Variants in CELF2 observed in about 807,000 individuals in gnomAD.
CELF2 encodes CUG triplet repeat RNA-binding protein 2.
In CELF2, 8 loss-of-function variants were observed where a neutral mutation model predicts 62.6. The ratio of observed to expected loss-of-function variants is 0.13; its 90% CI spans 0.07 to 0.23. The LOEUF (loss-of-function observed/expected upper bound fraction) is 0.23. CELF2 is among the 10% of genes least tolerant of loss of function. CELF2 has a pLI of 1.00. For missense variants in CELF2, 333 were observed against 671.0 expected (o/e 0.50, Z 5.56); for synonymous variants, 258 against 250.0 (o/e 1.03, Z -0.30).
chr10:10,999,919 C>T (rs918029456), intron 2 of CELF2, among the ~76,000 whole-genome samples: 1 of 152,206 alleles, frequency 6.6e-6, no homozygotes, highest in Non-Finnish European at 1.5e-5. Flanking sequence ...GCACTTTGAG[C>T]AGGAAGAAAG....
chr10:10,876,573 G>A (rs1268232066), intron 1 of CELF2, among the ~76,000 whole-genome samples: 4 of 152,146 alleles, frequency 2.6e-5, no homozygotes, highest in African/African-American at 7.2e-5. Flanking sequence ...TTAGGAGGCC[G>A]ATTACTCTGA....
chr10:10,507,144 G>A, the CELF2 span, among the ~76,000 whole-genome samples: 98 of 152,240 alleles, frequency 6.4e-4, no homozygotes, highest in African/African-American at 2.1e-3. Flanking sequence ...TCAATGTAAC[G>A]TTGACATGAG....
rs2094566449 is a variant in CELF2, at chr10:11,311,634, C to T, written c.977-2505C>T. Among the ~76,000 whole-genome samples the T allele has an allele frequency of 2.0e-5, 3 of 151,950 alleles. No individual in the cohort carries two copies. In the South Asian group the frequency reaches 6.3e-4, roughly 32 times the overall value. On this transcript the variant is annotated intron_variant, in intron 9 of 12. Coordinates refer to ENST00000633077, the MANE Select transcript of CELF2 (RefSeq NM_001326342.2). The surrounding 1 kb of genome is among the most constrained non-coding windows in gnomAD (Gnocchi z 4.7). Reference sequence around the variant, plus strand: ...AAAAGCCACTGATTATGAAAAATGACCAATCATGTTGATAACATTCTAGAA... The same window carrying T: ...AAAAGCCACTGATTATGAAAAATGATCAATCATGTTGATAACATTCTAGAA...
At chr10:11,193,035 T>C (rs2076610064) in intron 2 of CELF2, among the ~76,000 whole-genome samples, 1 of 152,256 alleles carries the variant, frequency 6.6e-6, no homozygotes. Flanking sequence ...TCATGACTTT[T>C]TTTCTTAACA....
chr10:10,986,701 G>C (rs2052795248), intron 2 of CELF2, among the ~76,000 whole-genome samples: 1 of 152,224 alleles, frequency 6.6e-6, no homozygotes, highest in East Asian at 1.9e-4. Context: ...CACACTTAAA[G>C]TGATGATGGC....
chr10:11,225,524 C>A (rs553018147), intron 3 of CELF2, among the ~76,000 whole-genome samples: 1 of 152,326 alleles, frequency 6.6e-6, no homozygotes, highest in African/African-American at 2.4e-5. Context: ...TAGAGTACTT[C>A]ACGTAGACAA....
At chr10:10,756,203 T>C in the CELF2 span, among the ~76,000 whole-genome samples, 8 of 152,352 alleles carry the variant, frequency 5.3e-5, no homozygotes, top group African/African-American at 1.7e-4. Flanking sequence ...TTTCTATATA[T>C]TTTCCTTTGG....
Position 11,165,221 on chromosome 10 carries a change from TG to T in CELF2, c.75-262del. 1 of 1,313,208 alleles carries T rather than the reference TG, an allele frequency of 7.6e-7. No homozygotes were observed. The highest frequency in any genetic ancestry group is 9.7e-7 in the Non-Finnish European group (1 of 1,027,558). The allele number at this position is 1,313,208 out of a possible 1,614,324, so 81.3% of individuals were successfully genotyped here. On this transcript the variant is annotated intron_variant, in intron 1 of 12. Coordinates refer to ENST00000633077, the MANE Select transcript of CELF2 (RefSeq NM_001326342.2). This position sits in a 1 kb window ranked among gnomAD's most constrained non-coding sequence, Gnocchi z 7.4. ...CCGAGCCTCCAAGATGTCCACGCCC[TG>T]GGTGACAGGCGGCAGGGCGCTGCCC... is the stretch of plus-strand genomic sequence containing the variant.
At chr10:10,648,208 A>T in the CELF2 span, among the ~76,000 whole-genome samples, 1 of 152,146 alleles carries the variant, frequency 6.6e-6, no homozygotes, top group African/African-American at 2.4e-5. Flanking sequence ...GAAGCCCAGG[A>T]CTCAGCTCTT....
the CELF2 span, among the ~76,000 whole-genome samples, chr10:10,734,453 C>T: frequency 6.6e-6 from 1 of 152,338 alleles, no homozygotes; most frequent in East Asian, 1.9e-4. Context: ...TGTGTGTCCT[C>T]ATTTGACTCC....
chr10:10,876,487 A>T (rs2061100807), intron 1 of CELF2, among the ~76,000 whole-genome samples: 1 of 152,166 alleles, frequency 6.6e-6, no homozygotes, highest in Non-Finnish European at 1.5e-5. Context: ...TTGCCTCTTT[A>T]TTCTCACCTG....
rs2046453912 is a variant in CELF2, at chr10:10,936,893, C to G, written c.89+16894C>G. ...TGAAATTCTGTATTTCTGACAAGCT[C>G]CCACGGGGTTTCTGATGATTCTGGT... is the stretch of plus-strand genomic sequence containing the variant. On this transcript the variant is annotated intron_variant, in intron 2 of 13. Coordinates refer to the CELF2 transcript ENST00000636488. This position sits in a 1 kb window ranked among gnomAD's most constrained non-coding sequence, Gnocchi z 4.0. Among the ~76,000 whole-genome samples the G allele has an allele frequency of 6.6e-6, 1 of 152,126 alleles. No individual in the cohort carries two copies. The highest frequency in any genetic ancestry group is 1.5e-5 in the Non-Finnish European group (1 of 68,024).
chr10:10,727,120 G>C, the CELF2 span, among the ~76,000 whole-genome samples: 4 of 152,192 alleles, frequency 2.6e-5, no homozygotes, highest in African/African-American at 9.7e-5. Flanking sequence ...CCTCCGGCCA[G>C]GCCCCGCTTC....
chr10:11,284,458 G>T (rs1240811872), intron 8 of CELF2, among the ~76,000 whole-genome samples: 25 of 148,564 alleles, frequency 1.7e-4, no homozygotes, highest in Middle Eastern at 3.8e-3. Context: ...GGGTGGATGA[G>T]GGATGAGTGT....
chr10:11,165,130 A>T lies in CELF2; in HGVS notation c.75-356A>T. The T allele has an allele frequency of 1.9e-6, 2 of 1,049,212 alleles. No homozygotes were observed. The highest frequency in any genetic ancestry group is 2.3e-6 in the Non-Finnish European group (2 of 869,008). The allele number at this position is 1,049,212 out of a possible 1,614,324, so 65.0% of individuals were successfully genotyped here. On this transcript the variant is annotated intron_variant, in intron 1 of 12. Coordinates refer to ENST00000633077, the MANE Select transcript of CELF2 (RefSeq NM_001326342.2). The surrounding 1 kb of genome is among the most constrained non-coding windows in gnomAD (Gnocchi z 7.4). ...CCCAGCCACAGCCAGGGTAGGGCTG[A>T]TAAGGCGCTGATGCGTTGATGGCAG...
At position 11,010,463 on chromosome 10, in the gene CELF2, AG is replaced by A. The variant is rs569287295; in HGVS notation, c.53+5025del. Among the ~76,000 whole-genome samples the A allele has an allele frequency of 1.2e-4, 19 of 152,346 alleles. No individual in the cohort carries two copies. The South Asian group carries it at 3.7e-3, about 30-fold the overall frequency. ...AGATAGGGGTGGGGGTGTTGAAATAAGGAATAAAAATGAAACTTATTAACAA... is the reference window on the plus strand; with the variant it reads ...AGATAGGGGTGGGGGTGTTGAAATAAGAATAAAAATGAAACTTATTAACAA... On this transcript the variant is annotated intron_variant, in intron 1 of 12. Transcript: ENST00000416382. The surrounding 1 kb of genome is among the most constrained non-coding windows in gnomAD (Gnocchi z 4.1).
chr10:11,262,952 T>TTTTTTTTTTTTC, intron 5 of CELF2, among the ~76,000 whole-genome samples: 1 of 138,770 alleles, frequency 7.2e-6, no homozygotes, highest in African/African-American at 2.7e-5. Context: ...TTTTTTTTTT[T>TTTTTTTTTTTTC]TTTTTTTTTT....
In CELF2 at chr10:11,319,390, G is replaced by A. The variant is rs1342865536; in HGVS notation, c.1097-1799G>A. ...AGAGAAATGACTCTCCAGCCCTCTG[G>A]TGGCCATAGTAACAGGGACAGAGGG... is the stretch of plus-strand genomic sequence containing the variant. On this transcript the variant is annotated intron_variant, in intron 10 of 12. Transcript: ENST00000633077. The surrounding 1 kb of genome is among the most constrained non-coding windows in gnomAD (Gnocchi z 4.4). Among the ~76,000 whole-genome samples the A allele has an allele frequency of 6.6e-6, 1 of 152,164 alleles. No homozygotes were observed. Among genetic ancestry groups the A allele is most frequent in the Non-Finnish European group, 1.5e-5 (1 of 68,030 alleles).
intron 1 of CELF2, among the ~76,000 whole-genome samples, chr10:11,006,739 T>G (rs2055345912): frequency 6.6e-6 from 1 of 152,228 alleles, no homozygotes; most frequent in Admixed American, 6.5e-5. Context: ...TCACAAACTA[T>G]TATTATATAG....
Sources: allele counts gnomAD v4.1 joint callset (sites outside exome capture counted in the v4.1 genomes callset), GRCh38; gene constraint gnomAD v4.1.1; non-coding constraint Gnocchi (gnomAD v3.1); transcripts MANE v1.5; gene names NCBI Gene and HGNC (gene_info 2026-07-23, HGNC 2026-07-21).